The following CRYL1 variants were observed in gnomAD, a reference collection of about 807,000 sequenced individuals.
CRYL1 encodes lambda-crystallin homolog.
A neutral mutation model predicts 36.6 loss-of-function variants in CRYL1; 29 were observed. The observed-to-expected ratio is 0.79, with a 90% CI of 0.59 to 1.08. The LOEUF is 1.08. CRYL1 is among the 50% of genes least tolerant of loss of function. CRYL1 has a pLI of 0.00. For missense variants in CRYL1, 411 were observed against 407.9 expected, an observed-to-expected ratio of 1.01 and a Z score of -0.06; for synonymous variants, 152 against 151.5, an observed-to-expected ratio of 1.00 and a Z score of -0.02.
chr13:20,465,698 G>C (rs2032917646), intron 3 of CRYL1, among the ~76,000 whole-genome samples: 1 of 152,238 alleles, frequency 6.6e-6, no homozygotes, highest in Middle Eastern at 3.4e-3. Context: ...TCTTCCTCTT[G>C]GCAAAGACCT....
chr13:20,520,182 G>A (rs2034069151), intron 1 of CRYL1, among the ~76,000 whole-genome samples: 1 of 152,192 alleles, frequency 6.6e-6, no homozygotes, highest in Non-Finnish European at 1.5e-5. Flanking sequence ...AAAGTTAAGA[G>A]AGAGAATATG....
rs971781312 is a variant in CRYL1, at chr13:20,497,640, C to A, written c.150-8144G>T. 2.7e-5 allele frequency among the ~76,000 whole-genome samples: 4 copies of A among 149,398 alleles called. No individual in the cohort carries two copies. In the Admixed American group the frequency reaches 2.7e-4, roughly 10 times the overall value. The stretch of plus-strand genomic sequence containing the variant: ...TACATACCACATACACACAACTACA[C>A]CACCACATACACACACTACACACCA... On this transcript the variant is annotated intron_variant, in intron 2 of 7. Transcript: ENST00000298248.
At chr13:20,444,831 C>G (rs2032421509) in intron 3 of CRYL1, among the ~76,000 whole-genome samples, 1 of 152,230 alleles carries the variant, frequency 6.6e-6, no homozygotes, top group South Asian at 2.1e-4. Flanking sequence ...ATTCTCCTGA[C>G]TCAGCCTCCA....
At chr13:20,468,546 C>G (rs2032989002) in intron 3 of CRYL1, among the ~76,000 whole-genome samples, 1 of 152,352 alleles carries the variant, frequency 6.6e-6, no homozygotes, top group Non-Finnish European at 1.5e-5. Context: ...AAAGAAGAAG[C>G]CAGCTTCGAA....
At chr13:20,514,387 C>T (rs2033965829) in intron 1 of CRYL1, among the ~76,000 whole-genome samples, 1 of 152,220 alleles carries the variant, frequency 6.6e-6, no homozygotes, top group Non-Finnish European at 1.5e-5. Context: ...CCATTCTCAT[C>T]ATGAGAAGAA....
intron 1 of CRYL1, among the ~76,000 whole-genome samples, chr13:20,514,581 G>A (rs973259061): frequency 4.6e-5 from 7 of 152,030 alleles, no homozygotes; most frequent in Non-Finnish European, 8.8e-5. Context: ...TAAGACATTA[G>A]GTAAAAACTA....
At chr13:20,405,831 G>A (rs1372396590) in intron 6 of CRYL1, 1 of 152,362 alleles carries the variant, frequency 6.6e-6, no homozygotes, top group Non-Finnish European at 1.5e-5. Context: ...GTGCGCCCAG[G>A]GGAAAGCGCA....
chr13:20,413,259 C>T lies in CRYL1; in HGVS notation c.739+23G>A, dbSNP rs377324619. 97 of 1,494,662 alleles carry T rather than the reference C, an allele frequency of 6.5e-5. No individual in the cohort carries two copies. The African/African-American group carries it at 1.3e-3, about 20-fold the overall frequency. 92.6% of individuals were successfully genotyped at this position (1,494,662 alleles called of 1,614,324 possible). A position where few individuals can be genotyped will look rare whatever the true frequency, so the allele number is the denominator to read the frequency against. On this transcript the variant is annotated intron_variant, in intron 6 of 7. Transcript: ENST00000298248. ...GACAACACTAAATAGAATGGAATTC[C>T]CATCCTGGCCCCAGATGCATACCTT...
In CRYL1 at chr13:20,404,067, G is replaced by T; in HGVS notation, c.*62C>A. The T allele has an allele frequency of 8.6e-7, 1 of 1,167,570 alleles. No individual in the cohort carries two copies. Among genetic ancestry groups the T allele is most frequent in the Non-Finnish European group, 1.3e-6 (1 of 777,044 alleles). 72.3% of individuals were successfully genotyped at this position (1,167,570 alleles called of 1,614,324 possible). On this transcript the variant is annotated 3_prime_UTR_variant, in exon 8 of 8. Coordinates refer to ENST00000298248, the MANE Select transcript of CRYL1 (RefSeq NM_015974.3). Reference sequence around the variant, plus strand: ...CCTATGTCACAGAGGGCTGATTAAGGGCTTGCAGTGTTCCCAAATAGGGCC... The same window carrying T: ...CCTATGTCACAGAGGGCTGATTAAGTGCTTGCAGTGTTCCCAAATAGGGCC...
chr13:20,434,664 C>A (rs1349201480), intron 4 of CRYL1, among the ~76,000 whole-genome samples: 2 of 145,390 alleles, frequency 1.4e-5, no homozygotes, highest in Non-Finnish European at 3.0e-5. Flanking sequence ...CGCTGTCTTT[C>A]CCTGCTGTGG....
Position 20,488,214 on chromosome 13 carries a change from A to G in CRYL1, c.276+1156T>C, listed in dbSNP as rs9315623. On this transcript the variant is annotated intron_variant, in intron 3 of 7. Coordinates refer to ENST00000298248, the MANE Select transcript of CRYL1 (RefSeq NM_015974.3). ...ACTCTGCCAAGACCAGGCCTGGAGA[A>G]CATCTGTGCTCTTCAGAAGCAACTC... is the stretch of plus-strand genomic sequence containing the variant. Among the ~76,000 whole-genome samples, 48,357 of 152,044 alleles carry G rather than the reference A, an allele frequency of 0.32. 8,552 individuals are homozygous for G. The highest frequency in any genetic ancestry group is 0.48 in the African/African-American group (19,899 of 41,450).
At chr13:20,460,303 AAG>A (rs1455932721) in intron 3 of CRYL1, among the ~76,000 whole-genome samples, 1 of 152,190 alleles carries the variant, frequency 6.6e-6, no homozygotes, top group Non-Finnish European at 1.5e-5. Context: ...CATATATAGA[AAG>A]AGTCAGCATT....
chr13:20,499,345 CAAA>C (rs34461619), intron 2 of CRYL1, among the ~76,000 whole-genome samples: 3 of 114,612 alleles, frequency 2.6e-5, no homozygotes, highest in African/African-American at 3.5e-5. Flanking sequence ...GACCCTGTCT[CAAA>C]AAAAAAAAAA....
intron 2 of CRYL1, among the ~76,000 whole-genome samples, chr13:20,512,173 C>G (rs539310429): frequency 3.9e-5 from 6 of 152,348 alleles, no homozygotes; most frequent in Admixed American, 1.3e-4. Context: ...CCGGGGCAAA[C>G]AGCTGGAGAA....
intron 2 of CRYL1, among the ~76,000 whole-genome samples, chr13:20,509,951 A>T (rs908928881): frequency 1.3e-4 from 20 of 152,258 alleles, no homozygotes; most frequent in African/African-American, 4.8e-4. Context: ...AAACAAAAAA[A>T]CAAGGAGATA....
rs1001609497 is a variant in CRYL1 at position 20,415,812 on chromosome 13, C to G, written c.634-2425G>C. Among the ~76,000 whole-genome samples, 3 of 152,248 alleles carry G rather than the reference C, an allele frequency of 2.0e-5. No homozygotes were observed. Among genetic ancestry groups the G allele is most frequent in the Non-Finnish European group, 1.5e-5 (1 of 68,038 alleles). On this transcript the variant is annotated intron_variant, in intron 5 of 7. Coordinates refer to ENST00000298248, the MANE Select transcript of CRYL1 (RefSeq NM_015974.3). This position sits in a 1 kb window ranked among gnomAD's most constrained non-coding sequence, Gnocchi z 4.1. The stretch of plus-strand genomic sequence containing the variant: ...CTCAGCTGCAGCGTTTGCTGCTGGC[C>G]CATTTCTAATCTTCCTGTAAGTGGA...
chr13:20,420,824 C>T (rs2031791814), intron 5 of CRYL1, among the ~76,000 whole-genome samples: 1 of 151,004 alleles, frequency 6.6e-6, no homozygotes, highest in African/African-American at 2.4e-5. Context: ...CGACCTCCGC[C>T]TCCTGGGTTC....
chr13:20,514,945 A>T (rs2033975689), intron 1 of CRYL1, among the ~76,000 whole-genome samples: 2 of 152,238 alleles, frequency 1.3e-5, no homozygotes, highest in Admixed American at 1.3e-4. Flanking sequence ...TTATAGCAGC[A>T]TTATTCATAA....
At chr13:20,468,543 A>C (rs753209963) in intron 3 of CRYL1, among the ~76,000 whole-genome samples, 11 of 152,236 alleles carry the variant, frequency 7.2e-5, no homozygotes, top group South Asian at 4.1e-4. Context: ...AACAAAGAAG[A>C]AGCCAGCTTC....
Sources: allele counts gnomAD v4.1 joint callset (sites outside exome capture counted in the v4.1 genomes callset), GRCh38; gene constraint gnomAD v4.1.1; non-coding constraint Gnocchi (gnomAD v3.1); transcripts MANE v1.5; gene names NCBI Gene and HGNC (gene_info 2026-07-23, HGNC 2026-07-21).